Variants in CDK5RAP1 observed in about 807,000 individuals in gnomAD.
The protein encoded by CDK5RAP1 is CDK5RAP1 mitochondrial tRNA methylthiotransferase.
CDK5RAP1 carries 62 observed loss-of-function variants against 64.5 expected under a neutral mutation model. That is an observed-to-expected ratio of 0.96 (90% CI 0.78 to 1.19). CDK5RAP1 has a LOEUF of 1.19. Ranked by LOEUF, CDK5RAP1 falls within the 50% of genes most tolerant of loss-of-function variation. The pLI, the probability that CDK5RAP1 is intolerant of heterozygous loss-of-function variation, is 0.00. For missense variants in CDK5RAP1, 657 were observed against 735.0 expected (o/e 0.89, Z 1.23); for synonymous variants, 250 against 261.9 (o/e 0.95, Z 0.44).
In CDK5RAP1 at chr20:33,398,881, G is replaced by A. The variant is rs549306627; in HGVS notation, c.-20-1797C>T. On this transcript the variant is annotated intron_variant, in intron 1 of 13. Transcript: ENST00000346416. ...ATCAATGCTGCAGTAAGCCATAATC[G>A]CACCACTGCACTCCAGCCTGGGTGA... Among the ~76,000 whole-genome samples the A allele has an allele frequency of 9.2e-5, 14 of 151,470 alleles. No individual in the cohort carries two copies. The East Asian group carries it at 2.4e-3, about 26-fold the overall frequency.
At chr20:33,387,132 G>T (rs1455684227) in intron 6 of CDK5RAP1, among the ~76,000 whole-genome samples, 191 bp downstream of exon 6, 1 of 151,686 alleles carries the variant, frequency 6.6e-6, no homozygotes, top group Admixed American at 6.6e-5. Flanking sequence ...CCAGGTGTGG[G>T]GGTGCACACC....
chr20:33,382,562 T>C (rs1293241033), intron 7 of CDK5RAP1, among the ~76,000 whole-genome samples: 1 of 152,104 alleles, frequency 6.6e-6, no homozygotes, highest in Non-Finnish European at 1.5e-5. Flanking sequence ...ATGCCTGTAG[T>C]CCCATTTACT....
intron 8 of CDK5RAP1, among the ~76,000 whole-genome samples, chr20:33,376,533 A>G (rs1214192174): frequency 6.6e-6 from 1 of 152,124 alleles, no homozygotes; most frequent in Non-Finnish European, 1.5e-5. Context: ...ATGACTGCTC[A>G]TTGACAACGC....
At chr20:33,368,077 G>A (rs1984316974) in intron 11 of CDK5RAP1, among the ~76,000 whole-genome samples, 1 of 152,190 alleles carries the variant, frequency 6.6e-6, no homozygotes, top group Admixed American at 6.5e-5. Flanking sequence ...ACAACCCTAT[G>A]AGGTTGGTAC....
intron 8 of CDK5RAP1, 23 bp from the exon 9 acceptor site, chr20:33,374,235 A>C: frequency 6.8e-7 from 1 of 1,471,042 alleles, no homozygotes; most frequent in Non-Finnish European, 9.5e-7. Flanking sequence ...AACACATTAT[A>C]GGTAATCACA....
chr20:33,374,161 G>C lies in CDK5RAP1; in HGVS notation c.1159C>G (p.Pro387Ala). Reference sequence around the variant, plus strand: ...ACACGGCTGCTTCCACTCTGGGCTGGCAGGTGGATCTGTTTACAGATGTTA... The same window carrying C: ...ACACGGCTGCTTCCACTCTGGGCTGCCAGGTGGATCTGTTTACAGATGTTA... The part of the protein sequence containing the change: ...RDNICKQIHL[P>A]AQSGSSRVLE... The change falls in exon 9 of 14, where the codon CCA (proline) becomes GCA (alanine). Residue 387 changes from proline to alanine, a missense_variant. Transcript: ENST00000346416. The C allele has an allele frequency of 5.6e-6, 9 of 1,614,012 alleles. No individual in the cohort carries two copies. The highest frequency in any genetic ancestry group is 7.6e-6 in the Non-Finnish European group (9 of 1,179,868).
At chr20:33,366,474 T>C (rs539816496) in intron 12 of CDK5RAP1, among the ~76,000 whole-genome samples, 57 of 151,452 alleles carry the variant, frequency 3.8e-4, no homozygotes, top group African/African-American at 1.4e-3. Flanking sequence ...TAGCCAGGCA[T>C]GGTGACACAC....
rs143545370 is a variant in CDK5RAP1 at position 33,367,568 on chromosome 20, C to A, written c.1393-560G>T. Reference sequence around the variant, plus strand: ...ACATACAGGCATGCTTATAAACACACGAAATATGCCCAGAAAGTTACAAAA... The same window carrying A: ...ACATACAGGCATGCTTATAAACACAAGAAATATGCCCAGAAAGTTACAAAA... On this transcript the variant is annotated intron_variant, in intron 11 of 13. Transcript: ENST00000346416. Among the ~76,000 whole-genome samples the A allele has an allele frequency of 9.8e-3, 1,498 of 152,170 alleles. 16 individuals carry two copies. Among genetic ancestry groups the A allele is most frequent in the African/African-American group, 0.033 (1,381 of 41,508 alleles).
intron 12 of CDK5RAP1, 84 bp from the exon 13 acceptor site, chr20:33,360,575 G>T (rs1201314311): frequency 2.4e-6 from 3 of 1,264,006 alleles, no homozygotes; most frequent in Non-Finnish European, 3.3e-6. Flanking sequence ...CTCTGTCTCG[G>T]ATCCCCAAGA....
rs1198637994 is a variant in CDK5RAP1 at position 33,400,786 on chromosome 20, G to A, written c.-21+642C>T. Among the ~76,000 whole-genome samples, 11 of 152,090 alleles carry A rather than the reference G, an allele frequency of 7.2e-5. No homozygotes were observed. In the East Asian group the frequency reaches 2.1e-3, roughly 29 times the overall value. ...GCCGAGATCGCGTCACTGCACTCCA[G>A]CCTGGGCGACAGAGCAAGACTCCCG... On this transcript the variant is annotated intron_variant, in intron 1 of 13. Transcript: ENST00000346416.
At chr20:33,362,440 G>C (rs1983105986) in intron 12 of CDK5RAP1, among the ~76,000 whole-genome samples, 1 of 152,140 alleles carries the variant, frequency 6.6e-6, no homozygotes, top group Non-Finnish European at 1.5e-5. Flanking sequence ...CAGACAAACA[G>C]AAGCTGAGCA....
chr20:33,370,437 T>C, intron 11 of CDK5RAP1, 62 bp downstream of exon 11: 1 of 1,591,262 alleles, frequency 6.3e-7, no homozygotes, highest in Non-Finnish European at 8.6e-7. Flanking sequence ...CCCTGTTCTC[T>C]ACAGTCACCA....
chr20:33,393,486 T>C (rs1196658214), intron 4 of CDK5RAP1, among the ~76,000 whole-genome samples: 1 of 151,780 alleles, frequency 6.6e-6, no homozygotes, highest in African/African-American at 2.4e-5. Context: ...AAGCACATAG[T>C]TCAGTGTCAA....
At chr20:33,369,820 C>T (rs538357847) in intron 11 of CDK5RAP1, among the ~76,000 whole-genome samples, 8 of 152,278 alleles carry the variant, frequency 5.3e-5, no homozygotes, top group African/African-American at 1.2e-4. Context: ...TGGGTTCAGT[C>T]GTTTGTCAGC....
In CDK5RAP1 at chr20:33,387,382, G is replaced by A. The variant is rs139208288; in HGVS notation, c.696C>T (p.Asp232=). ...CTGGCATGACATCAGCATAGGTCTC[G>A]TCCAGAGAGAGCAGCACGTTGGCAG... ...QQAANVLLSL[D]ETYADVMPVQ... is the part of the protein sequence containing the mutation. Residue 232 remains aspartate (D), a synonymous_variant, in exon 6 of 14, where the codon GAC becomes GAT. Coordinates refer to ENST00000346416, the MANE Select transcript of CDK5RAP1 (RefSeq NM_016408.4). The A allele has an allele frequency of 1.4e-5, 22 of 1,613,976 alleles. No individual in the cohort carries two copies. The East Asian group carries it at 2.0e-4, about 15-fold the overall frequency.
chr20:33,396,694 A>G lies in CDK5RAP1; in HGVS notation c.304+67T>C, dbSNP rs975243946. The G allele has an allele frequency of 5.0e-6, 6 of 1,202,864 alleles. No homozygotes were observed. The South Asian group carries it at 5.6e-5, about 11-fold the overall frequency. The allele number at this position is 1,202,864 out of a possible 1,614,324, so 74.5% of individuals were successfully genotyped here. A position where few individuals can be genotyped will look rare whatever the true frequency, so the allele number is the denominator to read the frequency against. On this transcript the variant is annotated intron_variant, in intron 2 of 13. Transcript: ENST00000346416. ...TCCAAGCCAGTTCTGTAATAAAAGA[A>G]TCATGCCAGGAATGACAGAGAGGAG...
intron 7 of CDK5RAP1, 60 bp downstream of exon 7, chr20:33,385,590 A>G (rs1465843410): frequency 6.3e-7 from 1 of 1,593,434 alleles, no homozygotes. Flanking sequence ...AAAACTACAA[A>G]GGTTATCCTC....
chr20:33,379,579 T>C lies in CDK5RAP1; in HGVS notation c.989A>G (p.Asn330Ser), dbSNP rs1216321992. 1 of 1,614,088 alleles carries C rather than the reference T, an allele frequency of 6.2e-7. No individual in the cohort carries two copies. Among genetic ancestry groups the C allele is most frequent in the South Asian group, 1.1e-5 (1 of 91,084 alleles). Reference protein sequence around the residue: ...PTNLSRGFTTNYKTKQGGLRF... With the variant: ...PTNLSRGFTTSYKTKQGGLRF... ...AAGTCCTCCTTGCTTGGTTTTATAG[T>C]TGGTGGTAAAGCCACGACTGAGATT... The change falls in exon 8 of 14, where the codon AAC (asparagine) becomes AGC (serine). Residue 330 changes from asparagine (N) to serine (S), a missense_variant. Physicochemically the swap from Asn to Ser is conservative, Grantham distance 46 (BLOSUM62 1). Transcript: ENST00000346416.
At chr20:33,401,248 G>A (rs970438532) in intron 1 of CDK5RAP1, among the ~76,000 whole-genome samples, 180 bp downstream of exon 1, 1 of 152,186 alleles carries the variant, frequency 6.6e-6, no homozygotes, top group African/African-American at 2.4e-5. Flanking sequence ...AAGGTCACAC[G>A]GGGTTAGGCG....
Sources: allele counts gnomAD v4.1 joint callset (sites outside exome capture counted in the v4.1 genomes callset), GRCh38; gene constraint gnomAD v4.1.1; transcripts MANE v1.5; gene names NCBI Gene and HGNC (gene_info 2026-07-23, HGNC 2026-07-21).